CADM2: variants seen among roughly 807,000 people sequenced by gnomAD.
The protein encoded by CADM2 is cell adhesion molecule 2.
CADM2 carries 12 observed loss-of-function variants against 49.8 expected under a neutral mutation model. That is an observed-to-expected ratio of 0.24 (90% confidence interval 0.15 to 0.39). The LOEUF is 0.39. CADM2 is among the 10% of genes least tolerant of loss of function. CADM2 has a pLI of 1.00. For synonymous variants in CADM2, 214 were observed against 175.4 expected, an observed-to-expected ratio of 1.22 and a Z score of -1.74; for missense variants, 378 against 492.3, an observed-to-expected ratio of 0.77 and a Z score of 2.20.
chr3:85,705,177 A>T (rs1445686939), intron 1 of CADM2, among the ~76,000 whole-genome samples: 1 of 150,496 alleles, frequency 6.6e-6, no homozygotes, highest in Non-Finnish European at 1.5e-5. Flanking sequence ...CCTTCTTTTC[A>T]TTCTTATTTA....
chr3:86,023,638 G>A lies in CADM2; in HGVS notation c.971-41967G>A, dbSNP rs191550280. On this transcript the variant is annotated intron_variant, in intron 8 of 9. Transcript: ENST00000383699. ...CTCCCAAAGTCCTGGGATTACAGGTGTGAGCCGCCACACCCAGCCTAGCTC... is the reference window on the plus strand; with the variant it reads ...CTCCCAAAGTCCTGGGATTACAGGTATGAGCCGCCACACCCAGCCTAGCTC... 2.0e-5 allele frequency among the ~76,000 whole-genome samples: 3 copies of A among 152,238 alleles called. No homozygotes were observed. The East Asian group carries it at 5.8e-4, about 29-fold the overall frequency.
chr3:85,811,942 G>A (rs1282023002), intron 3 of CADM2, among the ~76,000 whole-genome samples: 1 of 149,062 alleles, frequency 6.7e-6, no homozygotes, highest in African/African-American at 2.5e-5. Flanking sequence ...CACTAAACAA[G>A]TGTCAATCTG....
intron 1 of CADM2, among the ~76,000 whole-genome samples, chr3:84,975,121 C>A (rs556329646): frequency 6.6e-6 from 1 of 151,920 alleles, no homozygotes; most frequent in East Asian, 1.9e-4. Context: ...CTCAATTAGG[C>A]TGTCTGTTAA....
At chr3:85,744,538 T>C (rs1018530817) in intron 2 of CADM2, among the ~76,000 whole-genome samples, 10 of 151,742 alleles carry the variant, frequency 6.6e-5, no homozygotes, top group African/African-American at 1.9e-4. Flanking sequence ...AAATAATAAA[T>C]AAATAAATAA....
chr3:85,346,250 T>A (rs974454258), intron 1 of CADM2, among the ~76,000 whole-genome samples: 1 of 152,192 alleles, frequency 6.6e-6, no homozygotes, highest in African/African-American at 2.4e-5. Flanking sequence ...TAAGTTGCCA[T>A]GAAATTTTCA....
chr3:85,249,352 C>A (rs1428225969), intron 1 of CADM2, among the ~76,000 whole-genome samples: 1 of 151,942 alleles, frequency 6.6e-6, no homozygotes, highest in Non-Finnish European at 1.5e-5. Flanking sequence ...TAACTAGTCC[C>A]AACCAGACTA....
intron 1 of CADM2, among the ~76,000 whole-genome samples, chr3:85,169,075 C>T (rs2040550103): frequency 6.6e-6 from 1 of 152,114 alleles, no homozygotes; most frequent in Non-Finnish European, 1.5e-5. Flanking sequence ...GCCTCAGCCT[C>T]AGGAGTATCT....
chr3:85,985,210 G>A (rs1401761898), intron 8 of CADM2, among the ~76,000 whole-genome samples: 1 of 151,628 alleles, frequency 6.6e-6, no homozygotes, highest in Non-Finnish European at 1.5e-5. Flanking sequence ...CCTGTTAAGG[G>A]CCCATTACTC....
At chr3:85,437,346 T>C (rs2036979436) in intron 1 of CADM2, among the ~76,000 whole-genome samples, 1 of 152,142 alleles carries the variant, frequency 6.6e-6, no homozygotes, top group African/African-American at 2.4e-5. Context: ...GATACAGCTT[T>C]TAACTCCTTT....
intron 1 of CADM2, among the ~76,000 whole-genome samples, chr3:85,079,618 A>G (rs1392801074): frequency 1.3e-5 from 2 of 151,810 alleles, no homozygotes; most frequent in Non-Finnish European, 3.0e-5. Context: ...TAATAAGACA[A>G]TGCTGAATGC....
chr3:84,990,796 A>T (rs1478901030), intron 1 of CADM2, among the ~76,000 whole-genome samples: 1 of 152,106 alleles, frequency 6.6e-6, no homozygotes, highest in Non-Finnish European at 1.5e-5. Context: ...TGTGGAAATA[A>T]TTCACTCATT....
intron 8 of CADM2, among the ~76,000 whole-genome samples, chr3:85,967,660 A>G (rs1030872636): frequency 5.9e-5 from 9 of 151,646 alleles, no homozygotes. Flanking sequence ...TGTGCTTCAT[A>G]GTAAATGTGT....
chr3:85,376,163 A>T (rs1385706784), intron 1 of CADM2, among the ~76,000 whole-genome samples: 1 of 151,790 alleles, frequency 6.6e-6, no homozygotes, highest in Middle Eastern at 3.4e-3. Context: ...TTTTAGGAGT[A>T]CTCTTAAAAG....
intron 1 of CADM2, among the ~76,000 whole-genome samples, chr3:85,191,946 TG>T (rs1445180880): frequency 4.4e-4 from 19 of 43,292 alleles, no homozygotes; most frequent in Middle Eastern, 8.8e-3. Flanking sequence ...ATGAAACAGT[TG>T]TGTGTGTGTG....
At chr3:85,346,288 A>T (rs1442605664) in intron 1 of CADM2, among the ~76,000 whole-genome samples, 1 of 152,226 alleles carries the variant, frequency 6.6e-6, no homozygotes, top group East Asian at 1.9e-4. Flanking sequence ...GTTTTAAATA[A>T]CTTCTTATAG....
chr3:85,560,465 T>C (rs1221871950), intron 1 of CADM2, among the ~76,000 whole-genome samples: 1 of 152,220 alleles, frequency 6.6e-6, no homozygotes, highest in African/African-American at 2.4e-5. Context: ...GCGCTTGGCT[T>C]ATTTCTTATA....
chr3:85,021,500 T>A (rs547234562), intron 1 of CADM2, among the ~76,000 whole-genome samples: 1 of 151,782 alleles, frequency 6.6e-6, no homozygotes, highest in South Asian at 2.1e-4. Context: ...GCAGGCCGAG[T>A]GCAGTGACTC....
chr3:85,755,565 A>G (rs1246044038), intron 2 of CADM2, among the ~76,000 whole-genome samples: 1 of 152,144 alleles, frequency 6.6e-6, no homozygotes, highest in Non-Finnish European at 1.5e-5. Context: ...TAATAAAGAA[A>G]AAAGTTTAAT....
At chr3:85,796,618 C>T (rs2071639051) in intron 2 of CADM2, among the ~76,000 whole-genome samples, 1 of 152,114 alleles carries the variant, frequency 6.6e-6, no homozygotes, top group Non-Finnish European at 1.5e-5. Context: ...GTAAGGTGAT[C>T]ACGAACCTCT....
Sources: gnomAD v4.1 joint callset for allele counts (sites outside exome capture counted in the v4.1 genomes callset) on GRCh38, gnomAD v4.1.1 for gene constraint, MANE v1.5 for transcripts, NCBI Gene and HGNC (gene_info 2026-07-23, HGNC 2026-07-21) for gene names.